Variants in VPS13C observed in about 807,000 individuals in gnomAD.
VPS13C encodes vacuolar protein sorting 13 homolog C.
In VPS13C, 358 loss-of-function variants were observed where a neutral mutation model predicts 456.8. The ratio of observed to expected loss-of-function variants is 0.78; its 90% CI spans 0.72 to 0.86. The LOEUF is 0.86. Among genes scored for constraint, VPS13C ranks in the 40% least tolerant of loss-of-function variants. The pLI is 0.00. For synonymous variants in VPS13C, 1,578 were observed against 1,486.7 expected (o/e 1.06, Z -1.41); for missense variants, 4,818 against 4,385.4 (o/e 1.10, Z -2.79).
intron 7 of VPS13C, 62 bp from the exon 8 acceptor site, chr15:62,023,582 T>C (rs2047536584): frequency 1.5e-6 from 2 of 1,299,808 alleles, no homozygotes; most frequent in African/African-American, 3.0e-5. Context: ...TCAAAATTAA[T>C]AACCAAAGGA....
intron 65 of VPS13C, 127 bp from the exon 66 acceptor site, chr15:61,907,517 C>CT: frequency 8.0e-7 from 1 of 1,243,220 alleles, no homozygotes; most frequent in Non-Finnish European, 1.1e-6. Context: ...AAACACAACT[C>CT]TACCTAAAAA....
At chr15:62,024,250 C>G (rs1368221321) in intron 6 of VPS13C, among the ~76,000 whole-genome samples, 2 of 151,950 alleles carry the variant, frequency 1.3e-5, no homozygotes, top group Non-Finnish European at 2.9e-5. Context: ...ATGGTAGGAA[C>G]ATAGGCATAC....
At chr15:61,944,042 T>C (rs1319911402) in intron 45 of VPS13C, among the ~76,000 whole-genome samples, 1 of 152,106 alleles carries the variant, frequency 6.6e-6, no homozygotes, top group Non-Finnish European at 1.5e-5. Flanking sequence ...GAAAAAATGT[T>C]CCACATCACT....
chr15:61,989,807 G>T (rs1004770463), intron 18 of VPS13C, among the ~76,000 whole-genome samples: 4 of 152,176 alleles, frequency 2.6e-5, no homozygotes, highest in African/African-American at 9.7e-5. Context: ...TGGTGAAGAC[G>T]TGAAGCAATA....
chr15:62,002,284 T>C (rs1421459386), intron 15 of VPS13C, among the ~76,000 whole-genome samples: 1 of 152,238 alleles, frequency 6.6e-6, no homozygotes, highest in South Asian at 2.1e-4. Flanking sequence ...GGTGAGCATT[T>C]TTTCATGTGT....
At chr15:62,010,375 C>T in intron 13 of VPS13C, 97 bp downstream of exon 13, 1 of 1,304,678 alleles carries the variant, frequency 7.7e-7, no homozygotes, top group Non-Finnish European at 1.0e-6. Flanking sequence ...ATAACAAACC[C>T]CAAAAAACCA....
In VPS13C at chr15:61,979,982, G is replaced by A. The variant is rs1174367233; in HGVS notation, c.2167-1233C>T. On this transcript the variant is annotated intron_variant, in intron 22 of 84. Coordinates refer to ENST00000644861, the MANE Select transcript of VPS13C (RefSeq NM_020821.3). ...GCGGATCACTTGAGGTCAGGAGTTC[G>A]AGACCAGCCAGGCCAACATGGTGAA... Among the ~76,000 whole-genome samples, 7 of 151,768 alleles carry A rather than the reference G, an allele frequency of 4.6e-5. No homozygotes were observed. The South Asian group carries it at 1.3e-3, about 27-fold the overall frequency.
At chr15:61,923,411 C>T (rs958242776) in intron 53 of VPS13C, among the ~76,000 whole-genome samples, 1 of 152,110 alleles carries the variant, frequency 6.6e-6, no homozygotes, top group African/African-American at 2.4e-5. Context: ...ACGGCCAACG[C>T]CCTCTCAGCC....
At chr15:61,928,811 G>A (rs2043955715) in intron 51 of VPS13C, among the ~76,000 whole-genome samples, 2 of 151,864 alleles carry the variant, frequency 1.3e-5, no homozygotes, top group Admixed American at 1.3e-4. Context: ...CCCACCTCAG[G>A]AGGTGAAAAT....
At chr15:61,863,581 T>G in intron 81 of VPS13C, 53 bp from the exon 82 acceptor site, 1 of 1,193,366 alleles carries the variant, frequency 8.4e-7, no homozygotes, top group Non-Finnish European at 1.2e-6. Flanking sequence ...TAAGTAGTAT[T>G]TACAATACTG....
intron 10 of VPS13C, among the ~76,000 whole-genome samples, chr15:62,013,670 T>A (rs2047124308): frequency 6.6e-6 from 1 of 152,034 alleles, no homozygotes. Flanking sequence ...CTCTACAACA[T>A]CTCAAAATAT....
In VPS13C at chr15:61,951,969, A is replaced by G. The variant is rs777327410; in HGVS notation, c.4311T>C (p.Thr1437=). 2.0e-5 allele frequency: 33 copies of G among 1,612,744 alleles called. No individual in the cohort carries two copies. The highest frequency in any genetic ancestry group is 2.6e-5 in the Non-Finnish European group (31 of 1,179,546). The change falls in exon 39 of 85, where the codon ACT becomes ACC. Residue 1437 remains threonine, a synonymous_variant. Coordinates refer to ENST00000644861, the MANE Select transcript of VPS13C (RefSeq NM_020821.3). ...CTTTCTTTTCTGATTTTTTCATCAA[A>G]GTAACCACAACCTAAAAAACGGTAC... ...LNFEIKEVVV[T]LMKKSEKKGR...
At chr15:61,884,052 G>T in intron 68 of VPS13C, 76 bp downstream of exon 68, 5 of 1,329,696 alleles carry the variant, frequency 3.8e-6, no homozygotes, top group East Asian at 2.4e-5. Context: ...TCTTTACTTG[G>T]GCATTACAAT....
chr15:61,987,378 G>T (rs978878141), intron 18 of VPS13C, among the ~76,000 whole-genome samples: 1 of 152,114 alleles, frequency 6.6e-6, no homozygotes, highest in Non-Finnish European at 1.5e-5. Flanking sequence ...CACACGGCTG[G>T]GGAGGCCTCA....
chr15:61,959,711 T>C, intron 35 of VPS13C, 116 bp from the exon 36 acceptor site: 2 of 993,522 alleles, frequency 2.0e-6, no homozygotes, highest in Admixed American at 2.9e-5. Flanking sequence ...TGAAACAGTG[T>C]GGCTTGAGTA....
chr15:61,954,357 G>C, intron 38 of VPS13C, 64 bp downstream of exon 38: 2 of 1,521,976 alleles, frequency 1.3e-6, no homozygotes, highest in East Asian at 2.3e-5. Context: ...AAGTTTAGTA[G>C]AGGTAATTCC....
At chr15:61,996,250 A>G (rs2046383359) in intron 16 of VPS13C, among the ~76,000 whole-genome samples, 1 of 152,210 alleles carries the variant, frequency 6.6e-6, no homozygotes, top group African/African-American at 2.4e-5. Context: ...CCCCAGTAAT[A>G]TTCACGTGTA....
At chr15:61,999,323 T>G (rs922659682) in intron 16 of VPS13C, among the ~76,000 whole-genome samples, 1 of 150,142 alleles carries the variant, frequency 6.7e-6, no homozygotes, top group Non-Finnish European at 1.5e-5. Context: ...GAGGTTGCAG[T>G]GACCCAAGAT....
At chr15:61,903,722 A>G (rs2043071879) in intron 66 of VPS13C, among the ~76,000 whole-genome samples, 2 of 152,330 alleles carry the variant, frequency 1.3e-5, no homozygotes, top group Middle Eastern at 3.4e-3. Flanking sequence ...AACACATCAC[A>G]CTGACTGACT....
Sources: allele counts gnomAD v4.1 joint callset (sites outside exome capture counted in the v4.1 genomes callset), GRCh38; gene constraint gnomAD v4.1.1; transcripts MANE v1.5; gene names NCBI Gene and HGNC (gene_info 2026-07-23, HGNC 2026-07-21).